Variants in SATB2 observed in about 807,000 individuals in gnomAD.
The protein encoded by SATB2 is SATB homeobox 2.
A neutral mutation model predicts 73.4 loss-of-function variants in SATB2; 1 was observed. The ratio of observed to expected loss-of-function variants is 0.01; its 90% CI spans 0.00 to 0.06. The LOEUF is 0.06. Among genes scored for constraint, SATB2 ranks in the 10% least tolerant of loss-of-function variants. The probability of loss-of-function intolerance (pLI) is 1.00; values close to 1 mark genes in which losing one functional copy is unlikely to be tolerated. For synonymous variants in SATB2, 397 were observed against 367.0 expected (o/e 1.08, Z -0.93); for missense variants, 459 against 945.8 (o/e 0.49, Z 6.75).
chr2:199,436,435 AAAAC>A, intron 2 of SATB2, among the ~76,000 whole-genome samples: 1 of 150,120 alleles, frequency 6.7e-6, no homozygotes, highest in Non-Finnish European at 1.5e-5. Context: ...AAAAAAAAAC[AAAAC>A]AAAACAAAAC....
intron 3 of SATB2, among the ~76,000 whole-genome samples, chr2:199,399,025 C>T (rs1690387835): frequency 6.6e-6 from 1 of 152,274 alleles, no homozygotes; most frequent in East Asian, 1.9e-4. Context: ...AATCCCAGCA[C>T]TTTGGGAGGC....
intron 6 of SATB2, among the ~76,000 whole-genome samples, chr2:199,367,988 T>C (rs899094763): frequency 2.6e-5 from 4 of 152,160 alleles, no homozygotes; most frequent in African/African-American, 4.8e-5. Flanking sequence ...AGTATACTAT[T>C]ATTTGTCAAG....
At chr2:199,361,177 G>A (rs1235490579) in intron 6 of SATB2, among the ~76,000 whole-genome samples, 1 of 152,106 alleles carries the variant, frequency 6.6e-6, no homozygotes, top group Non-Finnish European at 1.5e-5. Context: ...CAGCCTAATG[G>A]ACATTTCTAC....
chr2:199,442,955 A>T (rs1177644710), intron 2 of SATB2, among the ~76,000 whole-genome samples: 1 of 96,674 alleles, frequency 1.0e-5, no homozygotes, highest in Non-Finnish European at 3.0e-5. Context: ...TGACTCTACC[A>T]TAATTTATGA....
At chr2:199,337,127 T>C (rs1688360431) in intron 7 of SATB2, among the ~76,000 whole-genome samples, 1 of 152,150 alleles carries the variant, frequency 6.6e-6, no homozygotes, top group African/African-American at 2.4e-5. Flanking sequence ...TAGTTATATT[T>C]TGCTAAACGT....
intron 9 of SATB2, among the ~76,000 whole-genome samples, chr2:199,321,856 A>T (rs540866741): frequency 1.3e-5 from 2 of 152,232 alleles, no homozygotes; most frequent in Admixed American, 1.3e-4. Context: ...CATAGATGAA[A>T]ATGAGATCAT....
chr2:199,281,284 G>A (rs112465080), intron 10 of SATB2, among the ~76,000 whole-genome samples: 19,461 of 148,322 alleles, frequency 0.13, 1,490 homozygotes, highest in African/African-American at 0.19. Context: ...GTGTGTGTGT[G>A]TATATATACA....
chr2:199,432,704 GAAC>G (rs1429806598), intron 3 of SATB2, among the ~76,000 whole-genome samples: 1 of 151,932 alleles, frequency 6.6e-6, no homozygotes, highest in African/African-American at 2.4e-5. Flanking sequence ...TGGCATGACA[GAAC>G]AATGGGCTAT....
intron 5 of SATB2, among the ~76,000 whole-genome samples, chr2:199,370,246 CA>C (rs1459654358): frequency 9.3e-5 from 14 of 151,034 alleles, no homozygotes; most frequent in Non-Finnish European, 1.8e-4. Context: ...ATGTCTGTTT[CA>C]TTTTTTTTTT....
intron 3 of SATB2, among the ~76,000 whole-genome samples, chr2:199,383,426 T>C (rs187377982): frequency 1.4e-3 from 218 of 152,324 alleles, no homozygotes; most frequent in African/African-American, 5.0e-3. Flanking sequence ...TCCTGACATT[T>C]GCAAATACTA....
In SATB2 at chr2:199,293,729, T is replaced by C. The variant is rs570981671; in HGVS notation, c.1740+15031A>G. On this transcript the variant is annotated intron_variant, in intron 10 of 10. Coordinates refer to ENST00000417098, the MANE Select transcript of SATB2 (RefSeq NM_001172509.2). ...TCCATTGGAAGCTGAGGATTCGCTT[T>C]TGGTATTCAGTCTCTGACACCACCA... is the stretch of plus-strand genomic sequence containing the variant. Among the ~76,000 whole-genome samples the C allele has an allele frequency of 2.6e-5, 4 of 152,286 alleles. No homozygotes were observed. In the South Asian group the frequency reaches 8.3e-4, roughly 32 times the overall value.
chr2:199,468,606 C>G (rs529938522), upstream of SATB2, among the ~76,000 whole-genome samples: 1 of 152,334 alleles, frequency 6.6e-6, no homozygotes, highest in South Asian at 2.1e-4. Flanking sequence ...CTGAGCGGAG[C>G]TCCAGTATAG....
rs1692119590 is a variant in SATB2, at chr2:199,270,470, T to C, written c.*1741A>G. On this transcript the variant is annotated 3_prime_UTR_variant, in exon 11 of 11. Coordinates refer to ENST00000417098, the MANE Select transcript of SATB2 (RefSeq NM_001172509.2). ...ACAGAAAATAACTTTCAAAGTGATA[T>C]TGCATGAGGTCTTTGACAAGGTTTT... is the stretch of plus-strand genomic sequence containing the variant. 1 of 151,622 alleles carries C rather than the reference T, an allele frequency of 6.6e-6. No individual in the cohort carries two copies. Among genetic ancestry groups the C allele is most frequent in the Non-Finnish European group, 1.5e-5 (1 of 67,880 alleles). 9.4% of individuals were successfully genotyped at this position (151,622 alleles called of 1,614,324 possible). A position where few individuals can be genotyped will look rare whatever the true frequency, so the allele number is the denominator to read the frequency against.
intron 3 of SATB2, among the ~76,000 whole-genome samples, chr2:199,392,817 C>T (rs1244099687): frequency 6.6e-6 from 1 of 152,162 alleles, no homozygotes; most frequent in African/African-American, 2.4e-5. Flanking sequence ...AGTTAAAGTG[C>T]ACTGAAAATT....
intron 7 of SATB2, among the ~76,000 whole-genome samples, chr2:199,336,065 C>T (rs1229780031): frequency 6.6e-6 from 1 of 152,102 alleles, no homozygotes; most frequent in African/African-American, 2.4e-5. Flanking sequence ...TTCCTGGCAA[C>T]TTTAATGTTT....
At chr2:199,383,137 G>A (rs1043855114) in intron 3 of SATB2, among the ~76,000 whole-genome samples, 2 of 152,132 alleles carry the variant, frequency 1.3e-5, no homozygotes, top group African/African-American at 4.8e-5. Flanking sequence ...TAACAATCTG[G>A]TGCTGAATAT....
intron 3 of SATB2, among the ~76,000 whole-genome samples, chr2:199,411,311 G>A (rs888085703): frequency 4.6e-5 from 7 of 151,794 alleles, no homozygotes; most frequent in Admixed American, 2.0e-4. Context: ...CCAGAAACTC[G>A]CCAAGTACAT....
chr2:199,278,539 T>C (rs534068842), intron 10 of SATB2, among the ~76,000 whole-genome samples: 13 of 152,314 alleles, frequency 8.5e-5, no homozygotes, highest in Admixed American at 7.2e-4. Flanking sequence ...GGCCAGAGCA[T>C]GGAGTGCTTG....
At chr2:199,432,914 A>G (rs1691544357) in intron 3 of SATB2, among the ~76,000 whole-genome samples, 1 of 152,230 alleles carries the variant, frequency 6.6e-6, no homozygotes, top group South Asian at 2.1e-4. Flanking sequence ...GATAAAAGAC[A>G]TCCATTTTTT....
Sources: gnomAD v4.1 joint callset for allele counts (sites outside exome capture counted in the v4.1 genomes callset) on GRCh38, gnomAD v4.1.1 for gene constraint, MANE v1.5 for transcripts, NCBI Gene and HGNC (gene_info 2026-07-23, HGNC 2026-07-21) for gene names.